ITGA9: variants seen among roughly 807,000 people sequenced by gnomAD.
ITGA9 encodes integrin alpha-9.
ITGA9 carries 56 observed loss-of-function variants against 127.8 expected under a neutral mutation model. That is an observed-to-expected ratio of 0.44 (90% CI 0.35 to 0.55). The LOEUF (loss-of-function observed/expected upper bound fraction) is 0.55, where lower values mean the gene tolerates loss of function less well. ITGA9 is among the 20% of genes least tolerant of loss of function. The pLI is 0.00. For synonymous variants in ITGA9, 508 were observed against 514.5 expected, an observed-to-expected ratio of 0.99 and a Z score of 0.17; for missense variants, 1,196 against 1,347.1, an observed-to-expected ratio of 0.89 and a Z score of 1.76.
At chr3:37,544,130 T>G (rs1427209355) in intron 15 of ITGA9, among the ~76,000 whole-genome samples, 1 of 152,250 alleles carries the variant, frequency 6.6e-6, no homozygotes, top group Non-Finnish European at 1.5e-5. Flanking sequence ...AAACCTTTCC[T>G]TTAGGTTTCT....
intron 2 of ITGA9, among the ~76,000 whole-genome samples, chr3:37,472,233 G>A (rs948349772): frequency 3.3e-5 from 5 of 152,114 alleles, no homozygotes; most frequent in East Asian, 1.9e-4. Context: ...TACCTACCTC[G>A]CAAGGATGGT....
intron 18 of ITGA9, among the ~76,000 whole-genome samples, chr3:37,726,309 A>G (rs1344522463): frequency 6.6e-6 from 1 of 152,250 alleles, no homozygotes; most frequent in Admixed American, 6.5e-5. Flanking sequence ...AGATATGGAG[A>G]CACCAGGGTC....
chr3:37,478,338 C>G (rs1334287891), intron 3 of ITGA9, among the ~76,000 whole-genome samples: 1 of 152,102 alleles, frequency 6.6e-6, no homozygotes, highest in African/African-American at 2.4e-5. Flanking sequence ...CCTTTGTGGC[C>G]GAAGCACCCG....
intron 15 of ITGA9, among the ~76,000 whole-genome samples, chr3:37,578,718 A>C (rs1442998910): frequency 6.6e-6 from 1 of 152,122 alleles, no homozygotes; most frequent in Non-Finnish European, 1.5e-5. Context: ...TGATGAGAGA[A>C]ATCTGCCTCC....
At chr3:37,491,592 T>G (rs565444504) in intron 4 of ITGA9, among the ~76,000 whole-genome samples, 2 of 152,284 alleles carry the variant, frequency 1.3e-5, no homozygotes, top group South Asian at 4.1e-4. Context: ...TTCCTGGACT[T>G]GTCAATGGAG....
In ITGA9 at chr3:37,761,941, C is replaced by G. The variant is rs550441412; in HGVS notation, c.2541+11372C>G. Among the ~76,000 whole-genome samples the G allele has an allele frequency of 1.2e-4, 18 of 152,342 alleles. No individual in the cohort carries two copies. The East Asian group carries it at 2.5e-3, about 21-fold the overall frequency. ...CCTGGGTTCTGAGAATTCGCAGCCCCTCTCCTGTAAAACTCATGAATAATC... is the reference window on the plus strand; with the variant it reads ...CCTGGGTTCTGAGAATTCGCAGCCCGTCTCCTGTAAAACTCATGAATAATC... On this transcript the variant is annotated intron_variant, in intron 23 of 27. Coordinates refer to ENST00000264741, the MANE Select transcript of ITGA9 (RefSeq NM_002207.3).
chr3:37,605,297 T>C (rs1376354930), intron 15 of ITGA9, among the ~76,000 whole-genome samples: 1 of 152,100 alleles, frequency 6.6e-6, no homozygotes, highest in Non-Finnish European at 1.5e-5. Flanking sequence ...CTGAGGGGCC[T>C]GGTGGGCCAT....
At chr3:37,558,836 T>C (rs1023956310) in intron 15 of ITGA9, among the ~76,000 whole-genome samples, 6 of 152,226 alleles carry the variant, frequency 3.9e-5, no homozygotes, top group Non-Finnish European at 7.4e-5. Flanking sequence ...GCTGCCGAGC[T>C]TTTTCCCCTG....
chr3:37,555,973 G>C (rs1699426777), intron 15 of ITGA9, among the ~76,000 whole-genome samples: 2 of 152,208 alleles, frequency 1.3e-5, no homozygotes. Context: ...AGTGGGAAAG[G>C]GAAGGCATTT....
At chr3:37,720,518 G>C (rs986446352) in intron 18 of ITGA9, among the ~76,000 whole-genome samples, 1 of 152,140 alleles carries the variant, frequency 6.6e-6, no homozygotes, top group African/African-American at 2.4e-5. Flanking sequence ...AGAATTTGCA[G>C]CCTCCGAGGA....
intron 15 of ITGA9, among the ~76,000 whole-genome samples, chr3:37,593,303 T>C (rs1263204068): frequency 6.6e-6 from 1 of 152,262 alleles, no homozygotes; most frequent in Non-Finnish European, 1.5e-5. Flanking sequence ...TTGGGTTTTT[T>C]GTTGTATTGT....
intron 26 of ITGA9, among the ~76,000 whole-genome samples, chr3:37,785,497 T>A (rs1348575090): frequency 6.6e-6 from 1 of 152,172 alleles, no homozygotes; most frequent in East Asian, 1.9e-4. Flanking sequence ...GTTTGGTTTT[T>A]AAGAGACAGG....
intron 23 of ITGA9, among the ~76,000 whole-genome samples, chr3:37,771,235 C>T (rs1481173429): frequency 2.6e-5 from 4 of 152,058 alleles, no homozygotes; most frequent in Non-Finnish European, 5.9e-5. Flanking sequence ...GGTCATTGGC[C>T]GGGGATGCTT....
At chr3:37,622,113 T>TG (rs1220337506) in intron 15 of ITGA9, among the ~76,000 whole-genome samples, 2 of 150,538 alleles carry the variant, frequency 1.3e-5, no homozygotes, top group Admixed American at 1.3e-4. Context: ...TTCTTTGGCT[T>TG]TAATTTAAAT....
chr3:37,480,083 G>C (rs886976695), intron 3 of ITGA9, among the ~76,000 whole-genome samples: 7 of 152,148 alleles, frequency 4.6e-5, no homozygotes, highest in African/African-American at 1.7e-4. Flanking sequence ...GAATGCCCAG[G>C]AGAAGTGGAA....
At chr3:37,637,063 G>A (rs1427042018) in intron 16 of ITGA9, among the ~76,000 whole-genome samples, 1 of 152,172 alleles carries the variant, frequency 6.6e-6, no homozygotes, top group Non-Finnish European at 1.5e-5. Flanking sequence ...AAGTCAGGTA[G>A]CGTGACGCCT....
At chr3:37,705,233 A>C (rs1306237544) in intron 18 of ITGA9, among the ~76,000 whole-genome samples, 3 of 152,224 alleles carry the variant, frequency 2.0e-5, no homozygotes, top group Admixed American at 1.3e-4. Flanking sequence ...ATTTGACCTT[A>C]ATGAAAATAG....
At chr3:37,663,513 A>C (rs924920916) in intron 17 of ITGA9, among the ~76,000 whole-genome samples, 2 of 152,142 alleles carry the variant, frequency 1.3e-5, no homozygotes, top group Admixed American at 1.3e-4. Flanking sequence ...GCATTTCCCA[A>C]AACTGTTGGC....
chr3:37,720,611 C>A (rs1355593432), intron 18 of ITGA9, among the ~76,000 whole-genome samples: 1 of 152,092 alleles, frequency 6.6e-6, no homozygotes, highest in East Asian at 1.9e-4. Context: ...GGAAAAACTT[C>A]CTGAGTGAGC....
Sources: gnomAD v4.1 joint callset for allele counts (sites outside exome capture counted in the v4.1 genomes callset) on GRCh38, gnomAD v4.1.1 for gene constraint, MANE v1.5 for transcripts, NCBI Gene and HGNC (gene_info 2026-07-23, HGNC 2026-07-21) for gene names.